The following TMEM132E variants were observed in gnomAD, a reference collection of about 807,000 sequenced individuals.
TMEM132E encodes transmembrane protein 132E.
A neutral mutation model predicts 78.5 loss-of-function variants in TMEM132E; 49 were observed. The ratio of observed to expected loss-of-function variants is 0.62; its 90% confidence interval spans 0.50 to 0.79. The LOEUF (loss-of-function observed/expected upper bound fraction) is 0.79. TMEM132E is among the 30% of genes least tolerant of loss of function. The pLI, the probability that TMEM132E is intolerant of heterozygous loss-of-function variation, is 0.00. For missense variants in TMEM132E, 1,403 were observed against 1,470.9 expected, an observed-to-expected ratio of 0.95 and a Z score of 0.75; for synonymous variants, 715 against 670.6, an observed-to-expected ratio of 1.07 and a Z score of -1.02.
At chr17:34,628,490 T>C (rs1019377466) in intron 2 of TMEM132E, 73 bp from the exon 3 acceptor site, 187 of 1,583,756 alleles carry the variant, frequency 1.2e-4, no homozygotes, top group Non-Finnish European at 1.5e-4. Context: ...TACAGTCTAG[T>C]GATGGTGGCC....
rs200082859 is a variant in TMEM132E at position 34,626,554 on chromosome 17, C to G, written c.495C>G (p.Val165=). ...GCGTCACCGAGCGGCTGCCCTGTGTCCGCCTGCATGCCTTCCGGGATGCCC... is the reference window on the plus strand; with the variant it reads ...GCGTCACCGAGCGGCTGCCCTGTGTGCGCCTGCATGCCTTCCGGGATGCCC... The part of the protein sequence containing the change: ...DFGVTERLPC[V]RLHAFRDARE... The change falls in exon 2 of 9, where the codon GTC becomes GTG. Residue 165 remains valine (V), a synonymous_variant. Coordinates refer to ENST00000631683, the MANE Select transcript of TMEM132E (RefSeq NM_001304438.2). 6.3e-7 allele frequency: 1 copy of G among 1,590,110 alleles called. No individual in the cohort carries two copies. The highest frequency in any genetic ancestry group is 1.3e-5 in the African/African-American group (1 of 74,728).
intron 5 of TMEM132E, among the ~76,000 whole-genome samples, chr17:34,630,451 G>GA (rs1907316055): frequency 6.6e-6 from 1 of 152,172 alleles, no homozygotes; most frequent in African/African-American, 2.4e-5. Flanking sequence ...GTCCTGGAGG[G>GA]CTTCCTGTAG....
In TMEM132E at chr17:34,584,043, G is replaced by A. The variant is rs568183277; in HGVS notation, c.67+2900G>A. On this transcript the variant is annotated intron_variant, in intron 1 of 8. Coordinates refer to ENST00000631683, the MANE Select transcript of TMEM132E (RefSeq NM_001304438.2). ...GAATAGGAGTTTAGGGGTCAGCGTG[G>A]TGGATAAATCTGTTAGAGGGCTGAT... Among the ~76,000 whole-genome samples, 23 of 152,326 alleles carry A rather than the reference G, an allele frequency of 1.5e-4. No homozygotes were observed. The South Asian group carries it at 2.7e-3, about 18-fold the overall frequency.
rs1360234182 is a variant in TMEM132E at position 34,635,081 on chromosome 17, C to G, written c.1971C>G (p.Pro657=). The G allele has an allele frequency of 1.9e-6, 3 of 1,611,532 alleles. No homozygotes were observed. Among genetic ancestry groups the G allele is most frequent in the Non-Finnish European group, 2.5e-6 (3 of 1,178,776 alleles). The change falls in exon 7 of 9, where the codon CCC becomes CCG. Residue 657 remains proline, a synonymous_variant. Transcript: ENST00000631683. ...CAGGACTGGAGCCAGGCACCACCCC[C>G]TTTAAGGTAGGTATGGGCTCTGTCC... ...TLAGLEPGTT[P]FKVVSPLTEA...
At chr17:34,631,389 C>A (rs945274235) in intron 5 of TMEM132E, among the ~76,000 whole-genome samples, 3 of 152,222 alleles carry the variant, frequency 2.0e-5, no homozygotes, top group Non-Finnish European at 4.4e-5. Context: ...AACAGGCCTG[C>A]TCCCAAGGGC....
In TMEM132E at chr17:34,626,053, G is replaced by C. The variant is rs1203784704; in HGVS notation, c.68-74G>C. On this transcript the variant is annotated intron_variant, in intron 1 of 8. Transcript: ENST00000631683. ...GCCCTCTGTGGGGTGGGAGAGACGAGCCTGGGGGCACCCTGGGGTCCCAGC... is the reference window on the plus strand; with the variant it reads ...GCCCTCTGTGGGGTGGGAGAGACGACCCTGGGGGCACCCTGGGGTCCCAGC... The C allele has an allele frequency of 3.7e-6, 5 of 1,360,250 alleles. No individual in the cohort carries two copies. The East Asian group carries it at 1.3e-4, about 35-fold the overall frequency. 84.3% of individuals were successfully genotyped at this position (1,360,250 alleles called of 1,614,324 possible). A position where few individuals can be genotyped will look rare whatever the true frequency, so the allele number is the denominator to read the frequency against.
intron 1 of TMEM132E, among the ~76,000 whole-genome samples, chr17:34,605,493 G>C (rs993200552): frequency 1.3e-5 from 2 of 152,054 alleles, no homozygotes; most frequent in Non-Finnish European, 2.9e-5. Context: ...ACCCCACCCT[G>C]CTGTCCTGCT....
intron 6 of TMEM132E, among the ~76,000 whole-genome samples, chr17:34,633,360 A>C (rs1347817678): frequency 6.6e-6 from 1 of 152,244 alleles, no homozygotes; most frequent in Non-Finnish European, 1.5e-5. Context: ...AGGCAGACAA[A>C]ATGAAGCAGA....
At chr17:34,620,482 T>C (rs1906925731) in intron 1 of TMEM132E, among the ~76,000 whole-genome samples, 1 of 152,244 alleles carries the variant, frequency 6.6e-6, no homozygotes, top group South Asian at 2.1e-4. Flanking sequence ...CCAGCCCCAG[T>C]GTACACCAAT....
chr17:34,587,493 C>T (rs1418889653), intron 1 of TMEM132E, among the ~76,000 whole-genome samples: 2 of 152,106 alleles, frequency 1.3e-5, no homozygotes, highest in Non-Finnish European at 2.9e-5. Flanking sequence ...AGCCTTTATT[C>T]CTTGCGTGGT....
chr17:34,581,080 GC>G lies in TMEM132E; in HGVS notation c.8del (p.Pro3ArgfsTer118). The G allele has an allele frequency of 1.3e-6, 2 of 1,554,040 alleles. No homozygotes were observed. Among genetic ancestry groups the G allele is most frequent in the Non-Finnish European group, 1.7e-6 (2 of 1,156,896 alleles). On this transcript the variant is annotated frameshift_variant, in exon 1 of 9. Coordinates refer to ENST00000631683, the MANE Select transcript of TMEM132E (RefSeq NM_001304438.2). LOFTEE classifies it high-confidence loss of function. The part of the protein sequence containing the change: M[A>X]PGMSGRGGAA... ...CCCTCCCGCCCCCGCCTCGGCCATGGCCCCGGGGATGTCGGGCCGCGGCGGC... is the reference window on the plus strand; with the variant it reads ...CCCTCCCGCCCCCGCCTCGGCCATGGCCCGGGGATGTCGGGCCGCGGCGGC...
At chr17:34,612,869 G>C (rs567285078) in intron 1 of TMEM132E, among the ~76,000 whole-genome samples, 30 of 152,190 alleles carry the variant, frequency 2.0e-4, no homozygotes, top group South Asian at 8.3e-4. Flanking sequence ...GTCACTGGGG[G>C]GGGCAGTGGG....
chr17:34,594,601 G>GT (rs562695940), intron 1 of TMEM132E, among the ~76,000 whole-genome samples: 1 of 152,124 alleles, frequency 6.6e-6, no homozygotes, highest in Non-Finnish European at 1.5e-5. Flanking sequence ...TTCAGCACAT[G>GT]TTTTTTTGTT....
intron 1 of TMEM132E, among the ~76,000 whole-genome samples, chr17:34,590,792 G>C (rs1268786685): frequency 3.9e-5 from 6 of 152,182 alleles, no homozygotes; most frequent in Non-Finnish European, 8.8e-5. Flanking sequence ...GAGGTGTAGA[G>C]AGTTATGGAG....
At chr17:34,598,077 T>C (rs150492504) in intron 1 of TMEM132E, among the ~76,000 whole-genome samples, 1 of 152,328 alleles carries the variant, frequency 6.6e-6, no homozygotes. Flanking sequence ...ATATAATACA[T>C]GTATTATATA....
Position 34,629,990 on chromosome 17 carries a change from C to G in TMEM132E, c.1339-18C>G, listed in dbSNP as rs370219741. The G allele has an allele frequency of 3.0e-5, 48 of 1,589,394 alleles. No homozygotes were observed. In the East Asian group the frequency reaches 8.8e-4, roughly 29 times the overall value. ...GAAGGGGACCACAAGTAGAGCCCCC[C>G]CCTTCTCCTCCCTGCAGGACACAGA... On this transcript the variant is annotated intron_variant, in intron 4 of 8. Coordinates refer to ENST00000631683, the MANE Select transcript of TMEM132E (RefSeq NM_001304438.2).
At position 34,629,094 on chromosome 17, in the gene TMEM132E, A is replaced by C; in HGVS notation, c.1228A>C (p.Met410Leu). 6.2e-7 allele frequency: 1 copy of C among 1,612,070 alleles called. No individual in the cohort carries two copies. Among genetic ancestry groups the C allele is most frequent in the African/African-American group, 1.3e-5 (1 of 75,008 alleles). The change falls in exon 4 of 9, where the codon ATG becomes CTG. Residue 410 changes from methionine (M) to leucine (L), a missense_variant. Met to Leu is a conservative substitution (Grantham distance 15). Around this residue, in one of 3 missense-constraint regions of TMEM132E, gnomAD observed 888 missense variants for 952.8 expected, o/e 0.93. Coordinates refer to ENST00000631683, the MANE Select transcript of TMEM132E (RefSeq NM_001304438.2). Reference protein sequence around the residue: ...FTSQSVKRRIMWHIDYRGHGA... With the variant: ...FTSQSVKRRILWHIDYRGHGA... The stretch of plus-strand genomic sequence containing the variant: ...CAGCCAGTCAGTCAAGCGGAGGATC[A>C]TGTGGCACATTGACTACCGTGGCCA...
At position 34,629,137 on chromosome 17, in the gene TMEM132E, T is replaced by C; in HGVS notation, c.1271T>C (p.Leu424Pro). Residue 424 changes from leucine (L) to proline (P), a missense_variant, in exon 4 of 9, where the codon CTG becomes CCG. Leu to Pro is a moderately conservative substitution (Grantham distance 98). Transcript: ENST00000631683. ...CGTGGCCACGGCGCCCTGCCTGACC[T>C]GGAGCGGGCAGTCACTGAGCTGACG... ...DYRGHGALPD[L>P]ERAVTELTVI... is the part of the protein sequence containing the mutation. The C allele has an allele frequency of 6.2e-7, 1 of 1,613,996 alleles. No individual in the cohort carries two copies. Among genetic ancestry groups the C allele is most frequent in the Non-Finnish European group, 8.5e-7 (1 of 1,179,920 alleles).
chr17:34,610,048 T>C (rs925861251), intron 1 of TMEM132E, among the ~76,000 whole-genome samples: 1 of 150,524 alleles, frequency 6.6e-6, no homozygotes, highest in African/African-American at 2.4e-5. Context: ...CTCGAGTTTC[T>C]ACCCATTCTT....
Sources: gnomAD v4.1 joint callset for allele counts (sites outside exome capture counted in the v4.1 genomes callset) on GRCh38, gnomAD v4.1.1 for gene constraint, gnomAD v4.1.1 regional missense constraint, MANE v1.5 for transcripts, NCBI Gene and HGNC (gene_info 2026-07-23, HGNC 2026-07-21) for gene names.